NKAIN2: variants seen among roughly 807,000 people sequenced by gnomAD.
NKAIN2 encodes the protein sodium/potassium-transporting ATPase subunit beta-1-interacting protein 2.
In NKAIN2, 14 loss-of-function variants were observed where a neutral mutation model predicts 32.6. That is an observed-to-expected ratio of 0.43 (90% CI 0.28 to 0.67). The LOEUF is 0.67. NKAIN2 is among the 30% of genes least tolerant of loss of function. The pLI is 0.17. For synonymous variants in NKAIN2, 80 were observed against 87.2 expected (o/e 0.92, Z 0.46); for missense variants, 198 against 258.3 (o/e 0.77, Z 1.60).
intron 1 of NKAIN2, among the ~76,000 whole-genome samples, chr6:123,962,726 A>G (rs1482482048): frequency 6.6e-6 from 1 of 152,062 alleles, no homozygotes; most frequent in Non-Finnish European, 1.5e-5. Context: ...TTATGTAACC[A>G]CGCCACGTGA....
intron 1 of NKAIN2, among the ~76,000 whole-genome samples, chr6:123,947,216 G>A (rs1225740111): frequency 2.0e-5 from 3 of 152,140 alleles, no homozygotes; most frequent in African/African-American, 7.2e-5. Flanking sequence ...TGTGTTCTGG[G>A]AAGCTTGTTA....
chr6:123,977,523 G>A (rs1187021965), intron 1 of NKAIN2, among the ~76,000 whole-genome samples: 2 of 152,166 alleles, frequency 1.3e-5, no homozygotes, highest in Non-Finnish European at 1.5e-5. Flanking sequence ...TTTGTTGAGA[G>A]GAGGGCTGTA....
chr6:124,686,386 G>T (rs902204064), intron 4 of NKAIN2, among the ~76,000 whole-genome samples: 10 of 152,262 alleles, frequency 6.6e-5, no homozygotes, highest in African/African-American at 2.2e-4. Flanking sequence ...TTCTGGAAAG[G>T]CCTCAGGAAA....
At chr6:124,070,523 G>A (rs1389008883) in intron 1 of NKAIN2, among the ~76,000 whole-genome samples, 1 of 152,108 alleles carries the variant, frequency 6.6e-6, no homozygotes, top group Non-Finnish European at 1.5e-5. Context: ...AAAACCCTTG[G>A]CATTTAGCTC....
intron 1 of NKAIN2, among the ~76,000 whole-genome samples, chr6:123,983,075 A>G (rs1778974524): frequency 6.6e-6 from 1 of 150,666 alleles, no homozygotes; most frequent in Admixed American, 6.7e-5. Context: ...GATCAAAGGT[A>G]ATGCCAGAAG....
chr6:123,965,113 T>C (rs1353828568), intron 1 of NKAIN2, among the ~76,000 whole-genome samples: 1 of 152,138 alleles, frequency 6.6e-6, no homozygotes, highest in Non-Finnish European at 1.5e-5. Flanking sequence ...AGTGCCCTTT[T>C]TTTGAGACAT....
At chr6:124,342,814 TTTATTATTATTA>T (rs56290836) in intron 2 of NKAIN2, among the ~76,000 whole-genome samples, 48 of 145,496 alleles carry the variant, frequency 3.3e-4, no homozygotes, top group African/African-American at 9.7e-4. Context: ...CAGAAGATGT[TTTATTATTATTA>T]TTATTATTAT....
intron 1 of NKAIN2, among the ~76,000 whole-genome samples, chr6:124,027,161 C>T (rs1402025842): frequency 7.3e-6 from 1 of 136,678 alleles, no homozygotes; most frequent in Non-Finnish European, 1.6e-5. Context: ...TTTTTTAAGA[C>T]AGATTTTTGC....
Position 123,839,191 on chromosome 6 carries a change from C to T in NKAIN2, c.54+34937C>T, listed in dbSNP as rs142902063. On this transcript the variant is annotated intron_variant, in intron 1 of 6. Transcript: ENST00000368417. ...GAACTTGCAGAAGGAAAAAGGATCT[C>T]GAAGGTCATTAAGGTACTTCTAAAC... 9.7e-4 allele frequency among the ~76,000 whole-genome samples: 139 copies of T among 143,884 alleles called. 1 individual carries two copies. The highest frequency in any genetic ancestry group is 1.2e-3 in the Non-Finnish European group (77 of 66,702). 94.4% of individuals were successfully genotyped at this position (143,884 alleles called of 152,430 possible).
intron 3 of NKAIN2, among the ~76,000 whole-genome samples, chr6:124,364,330 A>C (rs1269180347): frequency 6.6e-6 from 1 of 151,926 alleles, no homozygotes; most frequent in Admixed American, 6.6e-5. Flanking sequence ...GGATAAAAAA[A>C]CAGAATTGGA....
chr6:124,184,895 C>T (rs1265832430), intron 1 of NKAIN2, among the ~76,000 whole-genome samples: 1 of 151,738 alleles, frequency 6.6e-6, no homozygotes, highest in East Asian at 1.9e-4. Flanking sequence ...AGACTGGTGA[C>T]AAGGGAATTA....
chr6:123,991,723 A>T (rs7755307), intron 1 of NKAIN2, among the ~76,000 whole-genome samples: 1 of 151,644 alleles, frequency 6.6e-6, no homozygotes, highest in African/African-American at 2.4e-5. Flanking sequence ...TTAGCCAGGC[A>T]TGGTGGTGGG....
At chr6:124,359,681 A>G (rs773228889) in intron 3 of NKAIN2, among the ~76,000 whole-genome samples, 9 of 152,226 alleles carry the variant, frequency 5.9e-5, no homozygotes, top group South Asian at 2.1e-4. Context: ...GGCTGAGACA[A>G]TGGGGTTTTC....
intron 1 of NKAIN2, among the ~76,000 whole-genome samples, chr6:124,071,948 A>G (rs964684028): frequency 1.3e-5 from 2 of 152,174 alleles, no homozygotes; most frequent in Non-Finnish European, 2.9e-5. Context: ...CACAAGTACC[A>G]TTCCAAGTAG....
At chr6:123,817,341 A>G (rs723255) in intron 1 of NKAIN2, among the ~76,000 whole-genome samples, 29,090 of 152,068 alleles carry the variant, frequency 0.19, 6,758 homozygotes, top group African/African-American at 0.56. Flanking sequence ...AGTAGCATAC[A>G]CCCCGTTTTG....
chr6:124,164,219 T>C (rs1420776462), intron 1 of NKAIN2, among the ~76,000 whole-genome samples: 2 of 152,040 alleles, frequency 1.3e-5, no homozygotes, highest in African/African-American at 4.8e-5. Flanking sequence ...TATACTTTCA[T>C]TTTTTGCCAC....
intron 4 of NKAIN2, among the ~76,000 whole-genome samples, chr6:124,733,766 T>C (rs1277315306): frequency 6.6e-6 from 1 of 151,742 alleles, no homozygotes; most frequent in Non-Finnish European, 1.5e-5. Context: ...TAAATATATA[T>C]ATTTACATAG....
chr6:124,741,977 A>G (rs562431148), intron 4 of NKAIN2, among the ~76,000 whole-genome samples: 125 of 151,998 alleles, frequency 8.2e-4, no homozygotes, highest in African/African-American at 2.8e-3. Context: ...CGAAACAATG[A>G]AAGTGTGGAA....
At chr6:124,593,649 G>T (rs146563159) in intron 3 of NKAIN2, among the ~76,000 whole-genome samples, 11 of 152,290 alleles carry the variant, frequency 7.2e-5, no homozygotes, top group African/African-American at 2.2e-4. Flanking sequence ...AAAAGCTACA[G>T]GAACCTACTC....
Sources: gnomAD v4.1 joint callset for allele counts (sites outside exome capture counted in the v4.1 genomes callset) on GRCh38, gnomAD v4.1.1 for gene constraint, MANE v1.5 for transcripts, NCBI Gene and HGNC (gene_info 2026-07-23, HGNC 2026-07-21) for gene names.